The following PPME1 variants were observed in gnomAD, a reference collection of about 807,000 sequenced individuals.
PPME1 encodes protein phosphatase methylesterase 1.
A neutral mutation model predicts 56.9 loss-of-function variants in PPME1; 17 were observed. That is an observed-to-expected ratio of 0.30 (90% confidence interval 0.20 to 0.45). The LOEUF is 0.45. Ranked by LOEUF, PPME1 falls within the 20% of genes least tolerant of loss-of-function variation. The pLI is 1.00. For synonymous variants in PPME1, 122 were observed against 156.2 expected, an observed-to-expected ratio of 0.78 and a Z score of 1.63; for missense variants, 357 against 483.2, an observed-to-expected ratio of 0.74 and a Z score of 2.45.
intron 9 of PPME1, among the ~76,000 whole-genome samples, chr11:74,240,270 T>C (rs545579275): frequency 3.9e-5 from 6 of 152,224 alleles, no homozygotes; most frequent in Non-Finnish European, 7.3e-5. Flanking sequence ...AGTCATCTGT[T>C]GACTCATGTT....
rs1859027276 is a variant in PPME1 at position 74,230,035 on chromosome 11, G to A, written c.399-210G>A. ...AATTTGGGTTCTTAGTCCTTTACCT[G>A]CCATTTATCAGGAGAGCTAGGTGTG... On this transcript the variant is annotated intron_variant, in intron 5 of 13. Transcript: ENST00000328257. The surrounding 1 kb of genome is among the most constrained non-coding windows in gnomAD (Gnocchi z 4.9). 6.6e-6 allele frequency among the ~76,000 whole-genome samples: 1 copy of A among 152,186 alleles called. No homozygotes were observed. Among genetic ancestry groups the A allele is most frequent in the Non-Finnish European group, 1.5e-5 (1 of 68,028 alleles).
chr11:74,188,115 T>C (rs928996386), intron 1 of PPME1, among the ~76,000 whole-genome samples: 6 of 152,112 alleles, frequency 3.9e-5, no homozygotes, highest in African/African-American at 1.4e-4. Context: ...GCTACTATTC[T>C]GGTTATTGCT....
intron 1 of PPME1, among the ~76,000 whole-genome samples, chr11:74,186,064 CAG>C (rs1253916724): frequency 1.3e-5 from 2 of 152,150 alleles, no homozygotes; most frequent in Admixed American, 1.3e-4. Context: ...ATGCTCAACA[CAG>C]AAAAGTAATA....
intron 3 of PPME1, chr11:74,204,944 G>A (rs1858287801): frequency 2.0e-5 from 3 of 152,784 alleles, no homozygotes; most frequent in Non-Finnish European, 4.4e-5. Flanking sequence ...TGTGCCCTGA[G>A]TGCTTTTTCT....
intron 7 of PPME1, among the ~76,000 whole-genome samples, chr11:74,233,658 T>C (rs1859122882): frequency 6.6e-6 from 1 of 151,500 alleles, no homozygotes; most frequent in Non-Finnish European, 1.5e-5. Context: ...ACAAAAAATA[T>C]ATATATTTTT....
At chr11:74,237,794 C>G (rs1412921015) in intron 8 of PPME1, 1 of 152,128 alleles carries the variant, frequency 6.6e-6, no homozygotes, top group Non-Finnish European at 1.5e-5. Context: ...ACTTCAAGGC[C>G]TATCTTATGG....
chr11:74,181,964 C>T (rs1291901279), intron 1 of PPME1, among the ~76,000 whole-genome samples: 1 of 152,218 alleles, frequency 6.6e-6, no homozygotes, highest in Non-Finnish European at 1.5e-5. Context: ...TCATTAGTCT[C>T]TCTTCTCCCC....
chr11:74,247,143 T>C lies in PPME1; in HGVS notation c.1009+20T>C, dbSNP rs773527087. ...TGCAAGGTAAGTTATCAAGAAATTA[T>C]ACCCCTGGACCCTTTTCTGAAGAAA... On this transcript the variant is annotated intron_variant, in intron 11 of 13. Transcript: ENST00000328257. 5.6e-6 allele frequency: 9 copies of C among 1,600,008 alleles called. No individual in the cohort carries two copies. Among genetic ancestry groups the C allele is most frequent in the African/African-American group, 1.3e-5 (1 of 74,620 alleles).
chr11:74,201,555 G>A (rs933306441), intron 1 of PPME1, among the ~76,000 whole-genome samples: 6 of 152,192 alleles, frequency 3.9e-5, no homozygotes, highest in African/African-American at 1.4e-4. Context: ...AAGAGCAGAG[G>A]CTTTGGAGAG....
chr11:74,251,157 T>C, intron 12 of PPME1, 139 bp downstream of exon 12: 1 of 1,474,788 alleles, frequency 6.8e-7, no homozygotes, highest in Non-Finnish European at 9.0e-7. Flanking sequence ...TTCCACCAGC[T>C]CTCCAACTTC....
intron 1 of PPME1, among the ~76,000 whole-genome samples, chr11:74,172,153 G>A (rs897719332): frequency 2.6e-5 from 4 of 152,174 alleles, no homozygotes; most frequent in Non-Finnish European, 5.9e-5. Context: ...GAAAGTTTAG[G>A]GAGTAGGCCT....
At chr11:74,193,724 T>G (rs1286329553) in intron 1 of PPME1, among the ~76,000 whole-genome samples, 1 of 152,254 alleles carries the variant, frequency 6.6e-6, no homozygotes, top group African/African-American at 2.4e-5. Flanking sequence ...ACAAATTCAC[T>G]ACTAGTTTAC....
At chr11:74,219,365 A>T (rs748946067) in intron 3 of PPME1, among the ~76,000 whole-genome samples, 3 of 151,698 alleles carry the variant, frequency 2.0e-5, no homozygotes, top group Non-Finnish European at 4.4e-5. Context: ...AAATAGAACT[A>T]CCGTATAATG....
intron 10 of PPME1, among the ~76,000 whole-genome samples, chr11:74,246,798 C>T (rs1859515986): frequency 1.3e-5 from 2 of 152,262 alleles, no homozygotes; most frequent in South Asian, 4.1e-4. Flanking sequence ...TGGTCAAGCT[C>T]AAGTCCTTCT....
chr11:74,208,543 T>C (rs899360923), intron 3 of PPME1, among the ~76,000 whole-genome samples: 2 of 152,242 alleles, frequency 1.3e-5, no homozygotes, highest in Admixed American at 6.5e-5. Flanking sequence ...AAGAAATTTT[T>C]ATCTCAGACT....
chr11:74,212,486 C>G (rs1017013426), intron 3 of PPME1, among the ~76,000 whole-genome samples: 1 of 152,142 alleles, frequency 6.6e-6, no homozygotes, highest in Non-Finnish European at 1.5e-5. Flanking sequence ...AGCCAGTGGA[C>G]TTGAGCAGCA....
At chr11:74,182,834 T>A (rs1253620127) in intron 1 of PPME1, among the ~76,000 whole-genome samples, 2 of 151,994 alleles carry the variant, frequency 1.3e-5, no homozygotes, top group African/African-American at 4.8e-5. Flanking sequence ...ATCGGGTGGG[T>A]TGAGCAACAT....
At position 74,171,448 on chromosome 11, in the gene PPME1, C is replaced by G. The variant is rs757643501; in HGVS notation, c.27C>G (p.His9Gln). ...TGTCGGCCCTCGAAAAGAGCATGCACCTCGGCCGCCTTCCCTCTCGCCCAC... is the reference window on the plus strand; with the variant it reads ...TGTCGGCCCTCGAAAAGAGCATGCAGCTCGGCCGCCTTCCCTCTCGCCCAC... MSALEKSM[H>Q]LGRLPSRPPL... Residue 9 changes from histidine to glutamine, a missense_variant, in exon 1 of 14, where the codon CAC becomes CAG. By Grantham distance (24) the His-to-Gln change is conservative. Coordinates refer to ENST00000328257, the MANE Select transcript of PPME1 (RefSeq NM_016147.3). The G allele has an allele frequency of 1.9e-6, 3 of 1,612,822 alleles. No homozygotes were observed. The highest frequency in any genetic ancestry group is 1.7e-6 in the Non-Finnish European group (2 of 1,179,608).
intron 1 of PPME1, among the ~76,000 whole-genome samples, chr11:74,179,013 G>A (rs1857465227): frequency 6.6e-6 from 1 of 151,902 alleles, no homozygotes; most frequent in Non-Finnish European, 1.5e-5. Context: ...ACAAGTTACA[G>A]GTATATTCTA....
Sources: allele counts gnomAD v4.1 joint callset (sites outside exome capture counted in the v4.1 genomes callset), GRCh38; gene constraint gnomAD v4.1.1; non-coding constraint Gnocchi (gnomAD v3.1); transcripts MANE v1.5; gene names NCBI Gene and HGNC (gene_info 2026-07-23, HGNC 2026-07-21).